Variants in KLHL4 observed in about 807,000 individuals in gnomAD.
KLHL4 encodes kelch-like protein 4.
A neutral mutation model predicts 45.8 loss-of-function variants in KLHL4; 17 were observed. The ratio of observed to expected loss-of-function variants is 0.37; its 90% confidence interval spans 0.25 to 0.56. KLHL4 has a LOEUF of 0.56. KLHL4 is among the 20% of genes least tolerant of loss of function. The pLI, the probability that KLHL4 is intolerant of heterozygous loss-of-function variation, is 0.79. For synonymous variants in KLHL4, 224 were observed against 189.9 expected (o/e 1.18, Z -1.47); for missense variants, 544 against 544.9 (o/e 1.00, Z 0.02).
intron 1 of KLHL4, among the ~76,000 whole-genome samples, chrX:87,548,023 C>A (rs5969249): frequency 0.24 from 26,787 of 110,084 alleles, 2,758 homozygotes; most frequent in East Asian, 0.51. Flanking sequence ...TACAGAACAC[C>A]AAGCATATAT....
intron 1 of KLHL4, among the ~76,000 whole-genome samples, chrX:87,580,441 C>T (rs894533344): frequency 1.8e-5 from 2 of 110,163 alleles, no homozygotes; most frequent in Admixed American, 9.7e-5. Context: ...TGGATAAAAA[C>T]GCAAGATCCA....
rs1042549889 is a variant in KLHL4 at position 87,656,306 on chromosome X, C to T, written c.1926-8458C>T. The stretch of plus-strand genomic sequence containing the variant: ...GACTTTGGGGTTTCTTCTTCTCCCC[C>T]AGGAATACCTATAATTTGTAAGTTG... On this transcript the variant is annotated intron_variant, in intron 9 of 10. Transcript: ENST00000373119. Among the ~76,000 whole-genome samples, 8 of 110,558 alleles carry T rather than the reference C, an allele frequency of 7.2e-5. No homozygotes were observed. In the Admixed American group the frequency reaches 7.7e-4, roughly 11 times the overall value.
intron 1 of KLHL4, among the ~76,000 whole-genome samples, chrX:87,587,942 A>G (rs59964208): frequency 0.22 from 24,173 of 110,873 alleles, 2,003 homozygotes; most frequent in Non-Finnish European, 0.26. Flanking sequence ...ACTGATCAAC[A>G]AATTCAGTAA....
intron 1 of KLHL4, among the ~76,000 whole-genome samples, chrX:87,521,512 T>C (rs1931000447): frequency 9.0e-6 from 1 of 111,483 alleles, no homozygotes; most frequent in Admixed American, 9.6e-5. Flanking sequence ...AACCAAATTA[T>C]AATATTTAGG....
chrX:87,635,583 G>A lies in KLHL4; in HGVS notation c.1733G>A (p.Arg578His), dbSNP rs754811390. 15 of 1,207,240 alleles carry A rather than the reference G, an allele frequency of 1.2e-5. No homozygotes were observed. Among genetic ancestry groups the A allele is most frequent in the Non-Finnish European group, 1.7e-5 (15 of 892,983 alleles). The change falls in exon 9 of 11, where the codon CGT becomes CAT. Residue 578 changes from arginine to histidine, a missense_variant. Arg to His is a conservative substitution (Grantham distance 29). Coordinates refer to ENST00000373119, the MANE Select transcript of KLHL4 (RefSeq NM_019117.5). The stretch of plus-strand genomic sequence containing the variant: ...TCTAGATTATATGCTATTGGTGGAC[G>A]TGATGGAAGTTCCTGCCTCAAATCA... ...LNNKLYAIGG[R>H]DGSSCLKSME...
At chrX:87,639,594 A>G (rs886786966) in intron 9 of KLHL4, among the ~76,000 whole-genome samples, 9 of 111,537 alleles carry the variant, frequency 8.1e-5, no homozygotes, top group African/African-American at 2.6e-4. Flanking sequence ...AATTTAAATA[A>G]CATGCTTCTG....
At chrX:87,665,526 C>CA in intron 10 of KLHL4, among the ~76,000 whole-genome samples, 1 of 111,395 alleles carries the variant, frequency 9.0e-6, no homozygotes, top group East Asian at 2.8e-4. Flanking sequence ...AAAGAGAGTA[C>CA]AAAAAATAGC....
chrX:87,617,763 A>C (rs1922606117), intron 3 of KLHL4, among the ~76,000 whole-genome samples, 169 bp from the exon 4 acceptor site: 1 of 111,740 alleles, frequency 8.9e-6, no homozygotes, highest in African/African-American at 3.3e-5. Flanking sequence ...CCATCTTATT[A>C]GTGTTTACAG....
chrX:87,642,138 T>C (rs1417777464), intron 9 of KLHL4, among the ~76,000 whole-genome samples: 1 of 110,208 alleles, frequency 9.1e-6, no homozygotes, highest in Non-Finnish European at 1.9e-5. Context: ...ACAGACTCCA[T>C]TGCACCCCCT....
intron 1 of KLHL4, among the ~76,000 whole-genome samples, chrX:87,607,321 G>C (rs913405335): frequency 2.7e-5 from 3 of 110,836 alleles, no homozygotes; most frequent in Non-Finnish European, 3.8e-5. Context: ...CATATGTTCC[G>C]TAGCATTGAT....
chrX:87,579,448 T>C (rs937943394), intron 1 of KLHL4, among the ~76,000 whole-genome samples: 4 of 111,186 alleles, frequency 3.6e-5, no homozygotes, highest in African/African-American at 1.3e-4. Context: ...AAAGAAATAG[T>C]GGCCAAAAAT....
intron 1 of KLHL4, among the ~76,000 whole-genome samples, chrX:87,590,037 T>TAA (rs151242094): frequency 1.3e-5 from 1 of 75,638 alleles, no homozygotes; most frequent in Non-Finnish European, 2.5e-5. Flanking sequence ...AAACTCCTTC[T>TAA]AAAAAAAAAA....
intron 1 of KLHL4, among the ~76,000 whole-genome samples, chrX:87,525,078 G>A (rs886193427): frequency 9.0e-6 from 1 of 111,138 alleles, no homozygotes; most frequent in Non-Finnish European, 1.9e-5. Flanking sequence ...TATCATAAAG[G>A]CAATCCTAAA....
At chrX:87,537,681 C>A (rs1040397006) in intron 1 of KLHL4, among the ~76,000 whole-genome samples, 1 of 110,639 alleles carries the variant, frequency 9.0e-6, no homozygotes, top group African/African-American at 3.3e-5. Flanking sequence ...GAAGAGATTT[C>A]CTTTAAATTT....
chrX:87,533,039 A>C, intron 1 of KLHL4, among the ~76,000 whole-genome samples: 1 of 106,058 alleles, frequency 9.4e-6, no homozygotes, highest in Non-Finnish European at 1.9e-5. Flanking sequence ...GCAATCATTA[A>C]AAAGTCAGGA....
chrX:87,640,878 T>G (rs184938970), intron 9 of KLHL4, among the ~76,000 whole-genome samples: 1 of 111,788 alleles, frequency 8.9e-6, no homozygotes, highest in Non-Finnish European at 1.9e-5. Context: ...GGCATCCAAA[T>G]TGGTAATAAG....
chrX:87,582,534 C>T (rs1410892543), intron 1 of KLHL4, among the ~76,000 whole-genome samples: 1 of 112,049 alleles, frequency 8.9e-6, no homozygotes, highest in Non-Finnish European at 1.9e-5. Flanking sequence ...CTAAGCAGTC[C>T]AAATTTGAGT....
chrX:87,662,929 CAA>C (rs56333226), intron 9 of KLHL4, among the ~76,000 whole-genome samples: 635 of 59,280 alleles, frequency 0.011, 5 homozygotes, highest in African/African-American at 0.035. Flanking sequence ...GACTCCGTCT[CAA>C]AAAAAAAAAA....
At chrX:87,645,419 C>T (rs187374075) in intron 9 of KLHL4, among the ~76,000 whole-genome samples, 99 of 110,936 alleles carry the variant, frequency 8.9e-4, no homozygotes, top group Middle Eastern at 4.6e-3. Flanking sequence ...AGTGTGATCG[C>T]GGTGAACAGG....
Sources: allele counts gnomAD v4.1 joint callset (sites outside exome capture counted in the v4.1 genomes callset), GRCh38; gene constraint gnomAD v4.1.1; transcripts MANE v1.5; gene names NCBI Gene and HGNC (gene_info 2026-07-23, HGNC 2026-07-21).